The following GRM1 variants were observed in gnomAD, a reference collection of about 807,000 sequenced individuals.
The protein encoded by GRM1 is metabotropic glutamate receptor 1.
In GRM1, 33 loss-of-function variants were observed where a neutral mutation model predicts 90.9. The observed-to-expected ratio is 0.36, with a 90% confidence interval of 0.28 to 0.49. The LOEUF (loss-of-function observed/expected upper bound fraction) is 0.49. Ranked by LOEUF, GRM1 falls within the 20% of genes least tolerant of loss-of-function variation. The probability of loss-of-function intolerance (pLI) is 0.99; values close to 1 mark genes in which losing one functional copy is unlikely to be tolerated. For synonymous variants in GRM1, 700 were observed against 613.2 expected (o/e 1.14, Z -2.09); for missense variants, 1,190 against 1,534.3 (o/e 0.78, Z 3.75).
At chr6:146,196,277 A>T (rs1442876023) in intron 2 of GRM1, among the ~76,000 whole-genome samples, 1 of 149,532 alleles carries the variant, frequency 6.7e-6, no homozygotes, top group East Asian at 1.9e-4. Flanking sequence ...ATTTCCATTT[A>T]TCTAGTGCAG....
intron 2 of GRM1, among the ~76,000 whole-genome samples, chr6:146,189,549 T>C (rs1310067710): frequency 1.3e-5 from 2 of 152,218 alleles, no homozygotes; most frequent in African/African-American, 4.8e-5. Flanking sequence ...TTTCATATCA[T>C]TATCATTATG....
chr6:146,257,007 T>C (rs981262143), intron 2 of GRM1, among the ~76,000 whole-genome samples: 2 of 152,156 alleles, frequency 1.3e-5, no homozygotes, highest in Non-Finnish European at 2.9e-5. Flanking sequence ...CCTCTGTGTT[T>C]TGTTTTATGC....
chr6:146,103,922 C>T (rs1777134602), intron 1 of GRM1, among the ~76,000 whole-genome samples: 1 of 151,960 alleles, frequency 6.6e-6, no homozygotes, highest in Non-Finnish European at 1.5e-5. Flanking sequence ...TTAAAATTGC[C>T]CAGGTATCCT....
At chr6:146,121,782 C>G (rs1373518951) in intron 1 of GRM1, among the ~76,000 whole-genome samples, 2 of 152,338 alleles carry the variant, frequency 1.3e-5, no homozygotes, top group Admixed American at 1.3e-4. Context: ...TTTGATTGCA[C>G]TGTGGTCTGA....
In GRM1 at chr6:146,194,296, T is replaced by A. The variant is rs187857465; in HGVS notation, c.950+34699T>A. Among the ~76,000 whole-genome samples, 75 of 152,308 alleles carry A rather than the reference T, an allele frequency of 4.9e-4. 1 individual carries two copies. In the East Asian group the frequency reaches 0.014, roughly 28 times the overall value. On this transcript the variant is annotated intron_variant, in intron 2 of 7. Coordinates refer to ENST00000282753, the MANE Select transcript of GRM1 (RefSeq NM_001278064.2). Reference sequence around the variant, plus strand: ...ACTAATGACATCTTCTTTGTTGTTTTTTTGCCAGTTCCCATGACACAAGCT... The same window carrying A: ...ACTAATGACATCTTCTTTGTTGTTTATTTGCCAGTTCCCATGACACAAGCT...
intron 2 of GRM1, among the ~76,000 whole-genome samples, chr6:146,275,788 G>A (rs546058027): frequency 6.6e-6 from 1 of 152,228 alleles, no homozygotes; most frequent in South Asian, 2.1e-4. Flanking sequence ...ACTTTAAAGA[G>A]TCAGCACCGA....
At chr6:146,371,181 TG>T (rs1775887395) in intron 5 of GRM1, among the ~76,000 whole-genome samples, 7 of 152,088 alleles carry the variant, frequency 4.6e-5, no homozygotes, top group Admixed American at 4.6e-4. Context: ...ATAGTGTAAC[TG>T]GGGAAAAACG....
intron 1 of GRM1, among the ~76,000 whole-genome samples, chr6:146,040,662 CT>C (rs1562421981): frequency 6.6e-6 from 1 of 151,956 alleles, no homozygotes; most frequent in Non-Finnish European, 1.5e-5. Flanking sequence ...GTTTTCCTTT[CT>C]CTTGCTCCTT....
chr6:146,207,703 T>C (rs947435920), intron 2 of GRM1, among the ~76,000 whole-genome samples: 2 of 152,124 alleles, frequency 1.3e-5, no homozygotes, highest in Non-Finnish European at 2.9e-5. Flanking sequence ...CAACTAAAAG[T>C]ATAGAAAGAC....
chr6:146,174,990 G>T (rs546415251), intron 2 of GRM1, among the ~76,000 whole-genome samples: 1 of 151,930 alleles, frequency 6.6e-6, no homozygotes, highest in Non-Finnish European at 1.5e-5. Flanking sequence ...GGGGCGGATA[G>T]AGAGAGAGAG....
chr6:146,071,778 T>C (rs1195582428), intron 1 of GRM1, among the ~76,000 whole-genome samples: 3 of 152,142 alleles, frequency 2.0e-5, no homozygotes, highest in East Asian at 3.9e-4. Flanking sequence ...GAAACTGAAA[T>C]ACTGTACCCA....
intron 1 of GRM1, among the ~76,000 whole-genome samples, chr6:146,111,128 T>G (rs568397339): frequency 6.6e-6 from 1 of 152,326 alleles, no homozygotes; most frequent in East Asian, 1.9e-4. Context: ...AAGTTCCAGG[T>G]ACACCTGTCT....
chr6:146,328,183 T>A (rs1784460844), intron 3 of GRM1, among the ~76,000 whole-genome samples: 1 of 152,246 alleles, frequency 6.6e-6, no homozygotes, highest in Non-Finnish European at 1.5e-5. Context: ...TTTCTGTAAT[T>A]GCAATCATTT....
At chr6:146,129,853 T>C (rs2128879911) in intron 1 of GRM1, among the ~76,000 whole-genome samples, 1 of 152,304 alleles carries the variant, frequency 6.6e-6, no homozygotes, top group East Asian at 1.9e-4. Flanking sequence ...CTCAGTATCA[T>C]GGTGTGTCCT....
chr6:146,039,970 G>A (rs994901780), intron 1 of GRM1, among the ~76,000 whole-genome samples: 2 of 151,974 alleles, frequency 1.3e-5, no homozygotes, highest in Non-Finnish European at 2.9e-5. Flanking sequence ...ATAGGCCACC[G>A]ATCTGGAAAG....
chr6:146,080,680 T>C (rs1377199334), intron 1 of GRM1, among the ~76,000 whole-genome samples: 2 of 148,982 alleles, frequency 1.3e-5, no homozygotes, highest in Non-Finnish European at 3.0e-5. Flanking sequence ...TGGGGTTGGG[T>C]GGGAGGACAA....
intron 2 of GRM1, among the ~76,000 whole-genome samples, chr6:146,179,766 C>T (rs946184991): frequency 1.7e-4 from 26 of 152,284 alleles, no homozygotes; most frequent in Non-Finnish European, 3.2e-4. Context: ...CCGCCCACCT[C>T]GGCCTCCCAA....
chr6:146,366,138 A>G (rs980100943), intron 5 of GRM1, among the ~76,000 whole-genome samples: 1 of 152,240 alleles, frequency 6.6e-6, no homozygotes, highest in African/African-American at 2.4e-5. Flanking sequence ...AATCAAATGC[A>G]TATTTCAAAT....
rs547702342 is a variant in GRM1 at position 146,178,282 on chromosome 6, T to C, written c.950+18685T>C. On this transcript the variant is annotated intron_variant, in intron 2 of 7. Transcript: ENST00000282753. The stretch of plus-strand genomic sequence containing the variant: ...TCATCTAGCACTTGTCTAATGTTTT[T>C]TCTCATTAGTAGACTGGTGTTATGG... Among the ~76,000 whole-genome samples the C allele has an allele frequency of 1.9e-4, 29 of 152,302 alleles. No individual in the cohort carries two copies. In the South Asian group the frequency reaches 5.2e-3, roughly 27 times the overall value.
Sources: allele counts gnomAD v4.1 joint callset (sites outside exome capture counted in the v4.1 genomes callset), GRCh38; gene constraint gnomAD v4.1.1; transcripts MANE v1.5; gene names NCBI Gene and HGNC (gene_info 2026-07-23, HGNC 2026-07-21).